The following GRIK4 variants were observed in gnomAD, a reference collection of about 807,000 sequenced individuals.
The protein encoded by GRIK4 is glutamate receptor ionotropic, kainate 4.
Under a neutral mutation model 104.9 loss-of-function variants are expected in GRIK4, and 40 were observed. That is an observed-to-expected ratio of 0.38 (90% confidence interval 0.30 to 0.50). GRIK4 has a LOEUF of 0.50. Ranked by LOEUF, GRIK4 falls within the 20% of genes least tolerant of loss-of-function variation. GRIK4 has a pLI of 0.93. For missense variants in GRIK4, 1,047 were observed against 1,308.1 expected, an observed-to-expected ratio of 0.80 and a Z score of 3.08; for synonymous variants, 485 against 524.9, an observed-to-expected ratio of 0.92 and a Z score of 1.04.
At chr11:120,705,443 C>T (rs1440742820) in intron 3 of GRIK4, among the ~76,000 whole-genome samples, 1 of 152,086 alleles carries the variant, frequency 6.6e-6, no homozygotes, top group African/African-American at 2.4e-5. Context: ...CCAGGCTGGT[C>T]TCGAACTCCT....
chr11:120,901,983 G>A (rs180901317), intron 12 of GRIK4, among the ~76,000 whole-genome samples: 10 of 152,274 alleles, frequency 6.6e-5, no homozygotes, highest in Admixed American at 3.3e-4. Flanking sequence ...TTTCTTGCGC[G>A]TGTGTGCCTA....
chr11:120,676,178 G>T (rs1356868110), intron 3 of GRIK4, among the ~76,000 whole-genome samples: 2 of 152,118 alleles, frequency 1.3e-5, no homozygotes, highest in East Asian at 3.9e-4. Flanking sequence ...CATTTTCAAG[G>T]CCAGTAATGG....
At chr11:120,896,543 C>T (rs1005682934) in intron 11 of GRIK4, among the ~76,000 whole-genome samples, 1 of 152,184 alleles carries the variant, frequency 6.6e-6, no homozygotes, top group Admixed American at 6.5e-5. Context: ...ACTGTAGAGA[C>T]CATAAGGCTC....
intron 3 of GRIK4, among the ~76,000 whole-genome samples, chr11:120,711,005 G>GGGGGC (rs1555046807): frequency 6.7e-6 from 1 of 150,026 alleles, no homozygotes; most frequent in African/African-American, 2.5e-5. Flanking sequence ...GGTGGGGAGG[G>GGGGGC]GGTGTGAGCA....
intron 1 of GRIK4, among the ~76,000 whole-genome samples, chr11:120,544,641 AT>A (rs1402848766): frequency 2.0e-5 from 3 of 152,074 alleles, no homozygotes; most frequent in African/African-American, 7.2e-5. Flanking sequence ...CAACCTGGAC[AT>A]TTCAGCACAG....
At chr11:120,540,026 G>A (rs1458279957) in intron 1 of GRIK4, among the ~76,000 whole-genome samples, 2 of 152,142 alleles carry the variant, frequency 1.3e-5, no homozygotes, top group Non-Finnish European at 2.9e-5. Context: ...CTGGGCTGGG[G>A]CTGGGCCTAG....
intron 3 of GRIK4, among the ~76,000 whole-genome samples, chr11:120,800,870 A>G (rs1186407432): frequency 1.3e-5 from 2 of 152,222 alleles, no homozygotes; most frequent in East Asian, 3.8e-4. Context: ...ATTCGGCTTG[A>G]TTCCCTGTGT....
At chr11:120,615,541 C>G (rs1949100452) in intron 1 of GRIK4, among the ~76,000 whole-genome samples, 1 of 152,194 alleles carries the variant, frequency 6.6e-6, no homozygotes, top group African/African-American at 2.4e-5. Context: ...CTGGCAGCTG[C>G]CCGGGCTCTG....
At position 120,986,492 on chromosome 11, in the gene GRIK4, C is replaced by T. The variant is rs1479145884; in HGVS notation, c.*232C>T. 3.7e-6 allele frequency: 2 copies of T among 545,106 alleles called. No homozygotes were observed. The highest frequency in any genetic ancestry group is 6.2e-6 in the Non-Finnish European group (2 of 323,978). 33.8% of individuals were successfully genotyped at this position (545,106 alleles called of 1,614,324 possible). A position where few individuals can be genotyped will look rare whatever the true frequency, so the allele number is the denominator to read the frequency against. Reference sequence around the variant, plus strand: ...TGCACCCAAAGGGCAAAGGACGGCCCTCCCTCCTGGGCACAAGGACCCATC... The same window carrying T: ...TGCACCCAAAGGGCAAAGGACGGCCTTCCCTCCTGGGCACAAGGACCCATC... On this transcript the variant is annotated 3_prime_UTR_variant, in exon 21 of 21. Coordinates refer to ENST00000527524, the MANE Select transcript of GRIK4 (RefSeq NM_014619.5).
intron 1 of GRIK4, among the ~76,000 whole-genome samples, chr11:120,640,950 A>C (rs1258653845): frequency 1.3e-5 from 2 of 152,194 alleles, no homozygotes; most frequent in African/African-American, 2.4e-5. Context: ...GACCTCAGGC[A>C]ATCTGCCCAC....
rs547199127 is a variant in GRIK4, at chr11:120,861,093, CTTTT to C, written c.745-837_745-834del. Among the ~76,000 whole-genome samples, 574 of 86,270 alleles carry C rather than the reference CTTTT, an allele frequency of 6.7e-3. 1 individual carries two copies. The highest frequency in any genetic ancestry group is 0.024 in the African/African-American group (523 of 22,220). 56.6% of individuals were successfully genotyped at this position (86,270 alleles called of 152,430 possible). A position where few individuals can be genotyped will look rare whatever the true frequency, so the allele number is the denominator to read the frequency against. On this transcript the variant is annotated intron_variant, in intron 8 of 20. Transcript: ENST00000527524. The stretch of plus-strand genomic sequence containing the variant: ...TTAGGTAGGGTTCAGAAATCATCCT[CTTTT>C]TTTTTTTTTTTTTTTTTTTTTTTTT...
At chr11:120,626,724 GC>G (rs1304699862) in intron 1 of GRIK4, among the ~76,000 whole-genome samples, 1 of 152,184 alleles carries the variant, frequency 6.6e-6, no homozygotes, top group Non-Finnish European at 1.5e-5. Flanking sequence ...CTCCGCAGCT[GC>G]TGTGCACTCA....
At chr11:120,963,518 C>T (rs1397550551) in intron 18 of GRIK4, among the ~76,000 whole-genome samples, 3 of 152,162 alleles carry the variant, frequency 2.0e-5, no homozygotes, top group Non-Finnish European at 2.9e-5. Context: ...CATAGAGAGC[C>T]CGTGCTGTAG....
intron 3 of GRIK4, among the ~76,000 whole-genome samples, chr11:120,737,490 C>T (rs1316412943): frequency 6.6e-6 from 1 of 152,164 alleles, no homozygotes; most frequent in Non-Finnish European, 1.5e-5. Flanking sequence ...AATACAGAGA[C>T]AGTTCAACGT....
chr11:120,608,511 G>T (rs553693095), intron 1 of GRIK4, among the ~76,000 whole-genome samples: 1 of 152,348 alleles, frequency 6.6e-6, no homozygotes, highest in African/African-American at 2.4e-5. Context: ...CAGTAACACA[G>T]TCTCTGCCCC....
chr11:120,791,070 G>T (rs1465126388), intron 3 of GRIK4, among the ~76,000 whole-genome samples: 1 of 152,184 alleles, frequency 6.6e-6, no homozygotes, highest in Non-Finnish European at 1.5e-5. Context: ...GGAGTTATCT[G>T]CATAGGGCTG....
At chr11:120,728,027 C>A (rs901427661) in intron 3 of GRIK4, among the ~76,000 whole-genome samples, 2 of 152,000 alleles carry the variant, frequency 1.3e-5, no homozygotes, top group Non-Finnish European at 2.9e-5. Flanking sequence ...CAAAAAGCCT[C>A]ATGAAATTAA....
chr11:120,895,065 G>A (rs1037471162), intron 11 of GRIK4, among the ~76,000 whole-genome samples: 3 of 152,164 alleles, frequency 2.0e-5, no homozygotes, highest in Admixed American at 2.0e-4. Flanking sequence ...CCAGAGGAGG[G>A]AGGTGGGAAG....
In GRIK4 at chr11:120,523,640, C is replaced by T. The variant is rs144643347; in HGVS notation, c.-159+11753C>T. Among the ~76,000 whole-genome samples, 18 of 152,306 alleles carry T rather than the reference C, an allele frequency of 1.2e-4. No individual in the cohort carries two copies. The East Asian group carries it at 2.9e-3, about 25-fold the overall frequency. On this transcript the variant is annotated intron_variant, in intron 1 of 20. Coordinates refer to ENST00000527524, the MANE Select transcript of GRIK4 (RefSeq NM_014619.5). ...CAGATGTCCAGAGAACCTGAGACAC[C>T]GACACAGGGTCACACAGCTGAACCT...
Sources: allele counts gnomAD v4.1 joint callset (sites outside exome capture counted in the v4.1 genomes callset), GRCh38; gene constraint gnomAD v4.1.1; transcripts MANE v1.5; gene names NCBI Gene and HGNC (gene_info 2026-07-23, HGNC 2026-07-21).